Variants in SLC24A2 observed in about 807,000 individuals in gnomAD.
SLC24A2 encodes solute carrier family 24 member 2.
In SLC24A2, 36 loss-of-function variants were observed where a neutral mutation model predicts 62.0. That is an observed-to-expected ratio of 0.58 (90% CI 0.44 to 0.77). The LOEUF (loss-of-function observed/expected upper bound fraction) is 0.77. Among genes scored for constraint, SLC24A2 ranks in the 30% least tolerant of loss-of-function variants. The probability of loss-of-function intolerance (pLI) is 0.00; values close to 1 mark genes in which losing one functional copy is unlikely to be tolerated. For synonymous variants in SLC24A2, 358 were observed against 294.0 expected (o/e 1.22, Z -2.23); for missense variants, 846 against 817.9 (o/e 1.03, Z -0.42).
chr9:19,526,424 A>G (rs930230765), intron 9 of SLC24A2, among the ~76,000 whole-genome samples: 3 of 152,234 alleles, frequency 2.0e-5, no homozygotes, highest in Non-Finnish European at 4.4e-5. Context: ...TGGAACTGCC[A>G]AACTATTTCC....
At chr9:20,067,905 A>G in the SLC24A2 span, among the ~76,000 whole-genome samples, 1 of 152,050 alleles carries the variant, frequency 6.6e-6, no homozygotes, top group Admixed American at 6.6e-5. Context: ...TATACCCAGT[A>G]ATGGGATTTC....
chr9:19,939,187 A>G, the SLC24A2 span, among the ~76,000 whole-genome samples: 2 of 152,208 alleles, frequency 1.3e-5, no homozygotes, highest in South Asian at 4.1e-4. Context: ...GTATAGTGCC[A>G]CCTAAGTGTT....
chr9:19,828,311 G>T, the SLC24A2 span, among the ~76,000 whole-genome samples: 1 of 151,876 alleles, frequency 6.6e-6, no homozygotes, highest in Non-Finnish European at 1.5e-5. Context: ...ACAAAGAAAT[G>T]GTACATGATT....
intron 3 of SLC24A2, among the ~76,000 whole-genome samples, chr9:19,620,933 G>A (rs1302889284): frequency 6.6e-6 from 1 of 152,154 alleles, no homozygotes; most frequent in East Asian, 1.9e-4. Flanking sequence ...CCACAAGGGG[G>A]CTTCCCCAAA....
At chr9:20,147,732 G>A in the SLC24A2 span, among the ~76,000 whole-genome samples, 1 of 145,858 alleles carries the variant, frequency 6.9e-6, no homozygotes. Flanking sequence ...CCCGTGGTCA[G>A]TATCAACTCT....
chr9:20,043,825 A>T, the SLC24A2 span, among the ~76,000 whole-genome samples: 1 of 151,914 alleles, frequency 6.6e-6, no homozygotes, highest in East Asian at 1.9e-4. Context: ...TTTAGAATAA[A>T]CTTAGTTGAT....
chr9:19,707,677 A>G lies in SLC24A2; in HGVS notation c.930+78260T>C, dbSNP rs1203938291. ...ACCACATGATTATCTCAATAGATGCAGAAAAGGCCTTTGACAAAATTCAAC... is the reference window on the plus strand; with the variant it reads ...ACCACATGATTATCTCAATAGATGCGGAAAAGGCCTTTGACAAAATTCAAC... On this transcript the variant is annotated intron_variant, in intron 2 of 10. Transcript: ENST00000341998. Among the ~76,000 whole-genome samples the G allele has an allele frequency of 6.6e-5, 10 of 152,378 alleles. No individual in the cohort carries two copies. In the East Asian group the frequency reaches 1.9e-3, roughly 29 times the overall value.
chr9:19,774,248 T>C (rs932118480), intron 2 of SLC24A2, among the ~76,000 whole-genome samples: 2 of 152,114 alleles, frequency 1.3e-5, no homozygotes. Flanking sequence ...TCCTGTTTAA[T>C]CTCATCAAAA....
rs1832736445 is a variant in SLC24A2 at position 19,512,087 on chromosome 9, G to T, written c.*4066C>A. 6.6e-6 allele frequency: 1 copy of T among 152,228 alleles called. No homozygotes were observed. The highest frequency in any genetic ancestry group is 2.4e-5 in the African/African-American group (1 of 41,442). 9.4% of individuals were successfully genotyped at this position (152,228 alleles called of 1,614,324 possible). A position where few individuals can be genotyped will look rare whatever the true frequency, so the allele number is the denominator to read the frequency against. On this transcript the variant is annotated 3_prime_UTR_variant, in exon 11 of 11. Coordinates refer to ENST00000341998, the MANE Select transcript of SLC24A2 (RefSeq NM_020344.4). ...TTTTGTTAAAGTGGTCTGGGGGTGG[G>T]CTCCCTTTGTAGCTCATCTCTTCTC...
At chr9:20,091,742 G>A in the SLC24A2 span, among the ~76,000 whole-genome samples, 1 of 152,100 alleles carries the variant, frequency 6.6e-6, no homozygotes, top group South Asian at 2.1e-4. Flanking sequence ...ACCATTACTA[G>A]CCAATACAAA....
the SLC24A2 span, among the ~76,000 whole-genome samples, chr9:20,250,430 C>T: frequency 7.9e-5 from 12 of 152,138 alleles, no homozygotes; most frequent in South Asian, 2.1e-4. Context: ...TAATGAGCCC[C>T]GGAGTCTTCT....
the SLC24A2 span, among the ~76,000 whole-genome samples, chr9:20,228,280 G>GT: frequency 1.3e-4 from 20 of 152,052 alleles, no homozygotes; most frequent in African/African-American, 4.8e-4. Context: ...CAAGGTCAAA[G>GT]TCCTTGAACT....
chr9:20,010,292 G>C, the SLC24A2 span, among the ~76,000 whole-genome samples: 1 of 152,126 alleles, frequency 6.6e-6, no homozygotes, highest in Non-Finnish European at 1.5e-5. Flanking sequence ...AGGAGAGGTG[G>C]CCTTCTCCTC....
the SLC24A2 span, among the ~76,000 whole-genome samples, chr9:19,865,986 A>T: frequency 2.0e-5 from 3 of 152,206 alleles, no homozygotes; most frequent in African/African-American, 7.2e-5. Context: ...CAGGAGTGCA[A>T]ACAGCTCTAT....
chr9:20,141,418 C>T, the SLC24A2 span, among the ~76,000 whole-genome samples: 4 of 152,146 alleles, frequency 2.6e-5, no homozygotes, highest in East Asian at 7.7e-4. Context: ...TATCAAGCCT[C>T]TAATTCTCCT....
At chr9:19,963,172 A>C in the SLC24A2 span, among the ~76,000 whole-genome samples, 1 of 140,628 alleles carries the variant, frequency 7.1e-6, no homozygotes, top group African/African-American at 2.5e-5. Flanking sequence ...CATATGTAGA[A>C]AGCTGAAACT....
chr9:19,700,335 C>T (rs1431847662), intron 2 of SLC24A2, among the ~76,000 whole-genome samples: 1 of 152,148 alleles, frequency 6.6e-6, no homozygotes, highest in Non-Finnish European at 1.5e-5. Context: ...CTTTCTTAGG[C>T]TCTGTCTTTC....
chr9:19,520,779 T>C lies in SLC24A2; in HGVS notation c.1736+115A>G, dbSNP rs551536417. 6.7e-6 allele frequency: 6 copies of C among 900,752 alleles called. No homozygotes were observed. In the South Asian group the frequency reaches 7.9e-5, roughly 12 times the overall value. The allele number at this position is 900,752 out of a possible 1,614,324, so 55.8% of individuals were successfully genotyped here. ...AATGGTATTCTCAATCTTTACTCTG[T>C]ATTGGTATTGGTTAGTCTTAGGTTC... On this transcript the variant is annotated intron_variant, in intron 10 of 10. Transcript: ENST00000341998.
chr9:19,810,790 G>A, the SLC24A2 span, among the ~76,000 whole-genome samples: 2 of 151,820 alleles, frequency 1.3e-5, no homozygotes. Flanking sequence ...CAATATTGAG[G>A]ATAATCTTAA....
Sources: gnomAD v4.1 joint callset for allele counts (sites outside exome capture counted in the v4.1 genomes callset) on GRCh38, gnomAD v4.1.1 for gene constraint, MANE v1.5 for transcripts, NCBI Gene and HGNC (gene_info 2026-07-23, HGNC 2026-07-21) for gene names.